Variants in CORO7 observed in about 807,000 individuals in gnomAD.
CORO7 encodes the protein coronin-7.
Under a neutral mutation model 126.6 loss-of-function variants are expected in CORO7, and 107 were observed. The ratio of observed to expected loss-of-function variants is 0.85; its 90% confidence interval spans 0.72 to 0.99. The LOEUF (loss-of-function observed/expected upper bound fraction) is 0.99. Among genes scored for constraint, CORO7 ranks in the 50% least tolerant of loss-of-function variants. The pLI is 0.00. For missense variants in CORO7, 1,314 were observed against 1,255.8 expected (o/e 1.05, Z -0.70); for synonymous variants, 603 against 536.8 (o/e 1.12, Z -1.70).
intron 9 of CORO7, chr16:4,381,597 C>T (rs1309394540): frequency 1.3e-6 from 2 of 1,599,766 alleles, no homozygotes; most frequent in East Asian, 2.3e-5. Flanking sequence ...GCCTCCGGGG[C>T]CTGACGCGCC....
intron 7 of CORO7, among the ~76,000 whole-genome samples, chr16:4,394,886 C>A (rs911479088): frequency 6.6e-6 from 1 of 152,220 alleles, no homozygotes; most frequent in Non-Finnish European, 1.5e-5. Context: ...GGACCCTGTA[C>A]GTTTTGACAG....
intron 6 of CORO7, among the ~76,000 whole-genome samples, chr16:4,404,560 C>G (rs747353514): frequency 2.0e-5 from 3 of 152,198 alleles, no homozygotes; most frequent in Non-Finnish European, 2.9e-5. Flanking sequence ...CTCCAGGTAC[C>G]GCCGGCAGCT....
chr16:4,377,201 T>C (rs1013712447), intron 9 of CORO7, among the ~76,000 whole-genome samples: 2 of 152,002 alleles, frequency 1.3e-5, no homozygotes, highest in Non-Finnish European at 2.9e-5. Flanking sequence ...CCCAGACCCT[T>C]GCGTCATCTT....
chr16:4,386,059 G>A (rs2055183212), intron 9 of CORO7, among the ~76,000 whole-genome samples: 1 of 152,224 alleles, frequency 6.6e-6, no homozygotes, highest in Admixed American at 6.5e-5. Context: ...TGGGGGTGCA[G>A]GGGACCTGCC....
intron 23 of CORO7, 26 bp downstream of exon 23, chr16:4,359,270 G>C (rs748413691): frequency 2.5e-6 from 4 of 1,574,418 alleles, no homozygotes; most frequent in African/African-American, 1.3e-5. Flanking sequence ...GGTCCCATCG[G>C]GGACGAGGCG....
intron 9 of CORO7, 134 bp from the exon 10 acceptor site, chr16:4,365,679 C>T: frequency 8.6e-7 from 1 of 1,159,664 alleles, no homozygotes; most frequent in Non-Finnish European, 1.2e-6. Context: ...TCAGCCTGGT[C>T]CCCAGGAACC....
At chr16:4,403,306 A>G (rs751570766) in intron 6 of CORO7, among the ~76,000 whole-genome samples, 9 of 152,126 alleles carry the variant, frequency 5.9e-5, no homozygotes, top group Non-Finnish European at 8.8e-5. Context: ...TTTCCAGTGT[A>G]GGATGCCCCC....
rs756356989 is a variant in CORO7 at position 4,382,474 on chromosome 16, G to A, written c.785+5512C>T. 23 of 1,605,648 alleles carry A rather than the reference G, an allele frequency of 1.4e-5. No homozygotes were observed. In the Middle Eastern group the frequency reaches 4.9e-4, roughly 34 times the overall value. On this transcript the variant is annotated intron_variant, in intron 9 of 27. Coordinates refer to ENST00000251166, the MANE Select transcript of CORO7 (RefSeq NM_024535.5). ...GCTGCGGCCCAACGCCACTTACTCC[G>A]TCTGTGTCATGCCTTTGGGGCCCGG...
intron 9 of CORO7, chr16:4,382,295 C>T: frequency 6.2e-7 from 1 of 1,610,098 alleles, no homozygotes; most frequent in Non-Finnish European, 8.5e-7. Flanking sequence ...CCGGTGAGCC[C>T]CACCTCCCTG....
At chr16:4,393,069 AG>A (rs2055452996) in intron 7 of CORO7, among the ~76,000 whole-genome samples, 2 of 152,310 alleles carry the variant, frequency 1.3e-5, no homozygotes, top group East Asian at 1.9e-4. Context: ...GGAGAGGAGG[AG>A]GAAGGCTGGA....
intron 8 of CORO7, 54 bp downstream of exon 8, chr16:4,388,491 G>A (rs1308026065): frequency 1.3e-6 from 2 of 1,576,062 alleles, no homozygotes; most frequent in South Asian, 2.3e-5. Flanking sequence ...CGCCCAAAGG[G>A]CTGGACATGT....
chr16:4,416,331 G>C (rs1376430472), intron 1 of CORO7, 128 bp downstream of exon 1: 14 of 1,295,182 alleles, frequency 1.1e-5, no homozygotes, highest in Admixed American at 8.1e-5. Flanking sequence ...CTGAAGGGGG[G>C]TTCCCCGGGG....
intron 26 of CORO7, chr16:4,356,932 C>G: frequency 3.4e-6 from 2 of 585,288 alleles, no homozygotes; most frequent in Admixed American, 6.3e-5. Context: ...CCAGAACTGC[C>G]GGCTTAGGCT....
chr16:4,360,910 A>ACACTGCTGGCCCCGCCACTCCT, intron 19 of CORO7, 33 bp downstream of exon 19: 1 of 1,571,152 alleles, frequency 6.4e-7, no homozygotes, highest in Non-Finnish European at 8.6e-7. Flanking sequence ...CCGCCTCTCC[A>ACACTGCTGGCCCCGCCACTCCT]CACTGCTGGC....
intron 6 of CORO7, among the ~76,000 whole-genome samples, chr16:4,402,581 G>A (rs1298159684): frequency 6.6e-6 from 1 of 152,154 alleles, no homozygotes; most frequent in Non-Finnish European, 1.5e-5. Flanking sequence ...GATGCGGACA[G>A]CGCCACCCCT....
At chr16:4,374,876 T>C (rs2054663699) in intron 9 of CORO7, among the ~76,000 whole-genome samples, 1 of 152,062 alleles carries the variant, frequency 6.6e-6, no homozygotes. Context: ...GACTAAGGTG[T>C]TCTTCTGGCA....
At chr16:4,382,086 C>A in intron 9 of CORO7, 1 of 1,584,502 alleles carries the variant, frequency 6.3e-7, no homozygotes, top group Non-Finnish European at 8.6e-7. Context: ...TAGGGCCTGT[C>A]CCCCAGCCCC....
intron 7 of CORO7, among the ~76,000 whole-genome samples, chr16:4,390,004 G>A (rs900582039): frequency 9.2e-5 from 14 of 152,180 alleles, no homozygotes; most frequent in African/African-American, 3.4e-4. Flanking sequence ...CTGTTCTCTC[G>A]TCATATGGGT....
intron 9 of CORO7, among the ~76,000 whole-genome samples, chr16:4,380,230 C>T (rs2054904890): frequency 6.6e-6 from 1 of 152,186 alleles, no homozygotes; most frequent in Admixed American, 6.5e-5. Flanking sequence ...GGACACCTGC[C>T]AATGCCTGTG....
Sources: allele counts gnomAD v4.1 joint callset (sites outside exome capture counted in the v4.1 genomes callset), GRCh38; gene constraint gnomAD v4.1.1; transcripts MANE v1.5; gene names NCBI Gene and HGNC (gene_info 2026-07-23, HGNC 2026-07-21).